Variants in COL8A1 observed in about 807,000 individuals in gnomAD.
COL8A1 encodes collagen type VIII alpha 1 chain, also known as collagen alpha-1(VIII) chain.
A neutral mutation model predicts 42.7 loss-of-function variants in COL8A1; 21 were observed. The ratio of observed to expected loss-of-function variants is 0.49; its 90% CI spans 0.35 to 0.71. The LOEUF is 0.71. COL8A1 is among the 30% of genes least tolerant of loss of function. The pLI is 0.01. For synonymous variants in COL8A1, 367 were observed against 369.1 expected (o/e 0.99, Z 0.06); for missense variants, 788 against 962.4 (o/e 0.82, Z 2.40).
chr3:99,735,748 C>T (rs1032149848), intron 1 of COL8A1, among the ~76,000 whole-genome samples: 19 of 152,040 alleles, frequency 1.2e-4, no homozygotes, highest in African/African-American at 4.3e-4. Context: ...CCTTGTACCT[C>T]TGGTAGAATT....
chr3:99,735,974 A>T (rs1940699572), intron 1 of COL8A1, among the ~76,000 whole-genome samples: 1 of 151,876 alleles, frequency 6.6e-6, no homozygotes, highest in Admixed American at 6.6e-5. Context: ...GGTAGTTTGT[A>T]TTTCTGTGGG....
rs776076529 is a variant in COL8A1 at position 99,795,649 on chromosome 3, A to G, written c.1748A>G (p.Glu583Gly). Reference protein sequence around the residue: ...VMPPTPPPQGEYLPDMGLGID... With the variant: ...VMPPTPPPQGGYLPDMGLGID... Reference sequence around the variant, plus strand: ...CCCCCTACACCACCACCCCAGGGAGAGTATCTGCCAGATATGGGGCTGGGA... The same window carrying G: ...CCCCCTACACCACCACCCCAGGGAGGGTATCTGCCAGATATGGGGCTGGGA... Residue 583 changes from glutamate (E) to glycine (G), a missense_variant, in exon 4 of 4, where the codon GAG becomes GGG. This residue lies in a region of COL8A1 where 212 missense variants were observed against 210.9 expected (regional missense o/e 1.00). Coordinates refer to ENST00000652472, the MANE Select transcript of COL8A1 (RefSeq NM_020351.4). 1 of 1,613,568 alleles carries G rather than the reference A, an allele frequency of 6.2e-7. No homozygotes were observed. The highest frequency in any genetic ancestry group is 2.2e-5 in the East Asian group (1 of 44,846).
intron 3 of COL8A1, among the ~76,000 whole-genome samples, chr3:99,793,744 CTTAT>C (rs1440269237): frequency 1.5e-4 from 23 of 152,130 alleles, no homozygotes; most frequent in South Asian, 6.2e-4. Context: ...ATTTTTCTTT[CTTAT>C]TTATTTATTT....
At chr3:99,682,114 T>G (rs1157812483) in intron 1 of COL8A1, among the ~76,000 whole-genome samples, 1 of 152,048 alleles carries the variant, frequency 6.6e-6, no homozygotes, top group Non-Finnish European at 1.5e-5. Context: ...CTACCAACTG[T>G]GAAATAACTA....
intron 1 of COL8A1, among the ~76,000 whole-genome samples, chr3:99,709,777 T>C (rs1275942506): frequency 6.6e-6 from 1 of 152,212 alleles, no homozygotes; most frequent in East Asian, 1.9e-4. Flanking sequence ...AATTAATTTC[T>C]TCCCAGAAGA....
At chr3:99,673,468 T>C (rs1242626128) in intron 1 of COL8A1, among the ~76,000 whole-genome samples, 1 of 152,108 alleles carries the variant, frequency 6.6e-6, no homozygotes, top group Non-Finnish European at 1.5e-5. Context: ...GTCTAAATCA[T>C]TCTGTACCTC....
At chr3:99,733,556 C>T (rs1269058780) in intron 1 of COL8A1, among the ~76,000 whole-genome samples, 1 of 151,968 alleles carries the variant, frequency 6.6e-6, no homozygotes, top group Non-Finnish European at 1.5e-5. Context: ...CATTGTTGGA[C>T]GTTTGGGTTG....
At position 99,790,362 on chromosome 3, in the gene COL8A1, A is replaced by G. The variant is rs534221253; in HGVS notation, c.-3-318A>G. Among the ~76,000 whole-genome samples, 6 of 152,320 alleles carry G rather than the reference A, an allele frequency of 3.9e-5. No individual in the cohort carries two copies. The South Asian group carries it at 1.2e-3, about 32-fold the overall frequency. On this transcript the variant is annotated intron_variant, in intron 2 of 3. Coordinates refer to ENST00000652472, the MANE Select transcript of COL8A1 (RefSeq NM_020351.4). Reference sequence around the variant, plus strand: ...GGCCCTGCCTGGCTGAAATGTCTTCATTCTGGGCTGCTCTATTCCCAGGTG... The same window carrying G: ...GGCCCTGCCTGGCTGAAATGTCTTCGTTCTGGGCTGCTCTATTCCCAGGTG...
intron 2 of COL8A1, among the ~76,000 whole-genome samples, chr3:99,746,939 T>C (rs1277258138): frequency 6.6e-6 from 1 of 152,216 alleles, no homozygotes; most frequent in Non-Finnish European, 1.5e-5. Context: ...GGACTTGGTT[T>C]AACTTGACAT....
intron 1 of COL8A1, among the ~76,000 whole-genome samples, chr3:99,690,052 C>T (rs1434670996): frequency 6.6e-6 from 1 of 152,164 alleles, no homozygotes; most frequent in Non-Finnish European, 1.5e-5. Flanking sequence ...CCACATAAGA[C>T]ATCAGCCCGA....
chr3:99,742,327 T>C (rs1430789949), intron 1 of COL8A1, among the ~76,000 whole-genome samples: 4 of 152,216 alleles, frequency 2.6e-5, no homozygotes, highest in African/African-American at 9.6e-5. Context: ...AATTCTTGCT[T>C]AGTACTGTGC....
chr3:99,753,075 T>C (rs1378556026), intron 2 of COL8A1, among the ~76,000 whole-genome samples: 2 of 152,154 alleles, frequency 1.3e-5, no homozygotes, highest in African/African-American at 2.4e-5. Context: ...CACCAACCTT[T>C]ATATATGATG....
rs1939532432 is a variant in COL8A1, at chr3:99,701,394, C to T, written c.-128-43503C>T. Among the ~76,000 whole-genome samples, 3 of 152,140 alleles carry T rather than the reference C, an allele frequency of 2.0e-5. No individual in the cohort carries two copies. The South Asian group carries it at 6.2e-4, about 31-fold the overall frequency. On this transcript the variant is annotated intron_variant, in intron 1 of 3. Transcript: ENST00000652472. ...ACAAACTTTCCCTTAGAAAGCTTTA[C>T]CCCTACACATAATGGGTGAGAATTT...
chr3:99,725,365 A>G (rs1940278167), intron 1 of COL8A1, among the ~76,000 whole-genome samples: 3 of 151,902 alleles, frequency 2.0e-5, no homozygotes. Context: ...GAAGCAGCAC[A>G]TCATAAAGTG....
intron 2 of COL8A1, among the ~76,000 whole-genome samples, chr3:99,767,697 C>T (rs1474501295): frequency 6.6e-6 from 1 of 152,102 alleles, no homozygotes; most frequent in African/African-American, 2.4e-5. Flanking sequence ...CAGTTGATTA[C>T]CAAAAAGTGG....
At chr3:99,731,440 G>A (rs1490346207) in intron 1 of COL8A1, among the ~76,000 whole-genome samples, 2 of 152,084 alleles carry the variant, frequency 1.3e-5, no homozygotes, top group African/African-American at 2.4e-5. Flanking sequence ...TGGAGGATAA[G>A]AAGGGAGAGG....
At chr3:99,737,954 T>A (rs1940780564) in intron 1 of COL8A1, among the ~76,000 whole-genome samples, 1 of 151,784 alleles carries the variant, frequency 6.6e-6, no homozygotes, top group African/African-American at 2.4e-5. Context: ...TAAACTTCCC[T>A]TCTCGCTTCA....
At chr3:99,653,013 A>G (rs1462767417) in intron 1 of COL8A1, among the ~76,000 whole-genome samples, 3 of 152,198 alleles carry the variant, frequency 2.0e-5, no homozygotes, top group Non-Finnish European at 4.4e-5. Flanking sequence ...CCTGGGCAAG[A>G]CAGTAAGTCT....
intron 1 of COL8A1, among the ~76,000 whole-genome samples, chr3:99,649,647 G>A (rs1937774702): frequency 6.6e-6 from 1 of 152,128 alleles, no homozygotes; most frequent in Non-Finnish European, 1.5e-5. Flanking sequence ...AGGACTTCAT[G>A]AAATGACCAA....
Sources: allele counts gnomAD v4.1 joint callset (sites outside exome capture counted in the v4.1 genomes callset), GRCh38; gene constraint gnomAD v4.1.1; regional missense constraint gnomAD v4.1.1; transcripts MANE v1.5; gene names NCBI Gene and HGNC (gene_info 2026-07-23, HGNC 2026-07-21).